SAMTOR: variants seen among roughly 807,000 people sequenced by gnomAD.
SAMTOR encodes the protein S-adenosylmethionine sensor upstream of mTORC1.
the SAMTOR span, among the ~76,000 whole-genome samples, chr7:112,911,918 A>G: frequency 6.6e-6 from 1 of 151,896 alleles, no homozygotes; most frequent in Admixed American, 6.6e-5. Context: ...CTACAAATTA[A>G]CTGACATTTG....
chr7:112,901,571 C>A, the SAMTOR span, among the ~76,000 whole-genome samples: 3 of 152,192 alleles, frequency 2.0e-5, no homozygotes, highest in South Asian at 6.2e-4. Flanking sequence ...GCACTTGAAT[C>A]ACCCCGAAAC....
chr7:112,859,497 T>C, the SAMTOR span, among the ~76,000 whole-genome samples: 1 of 152,210 alleles, frequency 6.6e-6, no homozygotes. Flanking sequence ...TACACTTTTG[T>C]TATATTAGTG....
the SAMTOR span, among the ~76,000 whole-genome samples, chr7:112,904,068 C>T: frequency 6.6e-6 from 1 of 152,018 alleles, no homozygotes; most frequent in South Asian, 2.1e-4. Flanking sequence ...ATCATAGCAG[C>T]CATCTTTACA....
the SAMTOR span, chr7:112,895,476 C>A: frequency 2.3e-6 from 2 of 851,892 alleles, no homozygotes; most frequent in Non-Finnish European, 3.4e-6. Flanking sequence ...ACTGGAGGAG[C>A]AAGTAAACTG....
At chr7:112,939,631 C>T in the SAMTOR span, 12 of 1,614,002 alleles carry the variant, frequency 7.4e-6, no homozygotes, top group Non-Finnish European at 1.0e-5. Flanking sequence ...GGACGCTCTT[C>T]ACCACACCGG....
At chr7:112,928,595 T>C in the SAMTOR span, among the ~76,000 whole-genome samples, 1 of 151,878 alleles carries the variant, frequency 6.6e-6, no homozygotes, top group Non-Finnish European at 1.5e-5. Context: ...TTCATCATGC[T>C]CAAAAAATAA....
the SAMTOR span, among the ~76,000 whole-genome samples, chr7:112,849,460 T>G: frequency 6.6e-6 from 1 of 152,092 alleles, no homozygotes; most frequent in Admixed American, 6.5e-5. Context: ...AATGAGGGGG[T>G]AGAAGTAGAT....
chr7:112,912,119 T>G, the SAMTOR span, among the ~76,000 whole-genome samples: 1 of 151,972 alleles, frequency 6.6e-6, no homozygotes, highest in Non-Finnish European at 1.5e-5. Flanking sequence ...ATTAGATTAC[T>G]GTTAACTGTC....
chr7:112,889,900 T>C, the SAMTOR span, among the ~76,000 whole-genome samples: 1 of 152,048 alleles, frequency 6.6e-6, no homozygotes, highest in Non-Finnish European at 1.5e-5. Flanking sequence ...GCTAACTTGA[T>C]TTGGAGCAAA....
the SAMTOR span, among the ~76,000 whole-genome samples, chr7:112,920,994 T>A: frequency 1.3e-5 from 2 of 152,166 alleles, no homozygotes; most frequent in Admixed American, 6.5e-5. Flanking sequence ...ATAGGAAGAA[T>A]CAATATGGTG....
At chr7:112,852,701 T>C in the SAMTOR span, among the ~76,000 whole-genome samples, 1 of 152,104 alleles carries the variant, frequency 6.6e-6, no homozygotes, top group East Asian at 1.9e-4. Context: ...CTTGCAGCGG[T>C]AAATTATTTA....
chr7:112,850,626 T>G, the SAMTOR span, among the ~76,000 whole-genome samples: 1 of 152,206 alleles, frequency 6.6e-6, no homozygotes, highest in Non-Finnish European at 1.5e-5. Context: ...TGGTTCAATG[T>G]TGCAGGGCGC....
chr7:112,871,091 C>A, the SAMTOR span, among the ~76,000 whole-genome samples: 1 of 152,100 alleles, frequency 6.6e-6, no homozygotes, highest in Admixed American at 6.5e-5. Context: ...TGGGGGACTT[C>A]ACCTCATTCA....
the SAMTOR span, among the ~76,000 whole-genome samples, chr7:112,894,057 G>C: frequency 6.6e-6 from 1 of 152,120 alleles, no homozygotes; most frequent in Non-Finnish European, 1.5e-5. Context: ...GATTTAGTCA[G>C]AGGAGTGCCT....
the SAMTOR span, among the ~76,000 whole-genome samples, chr7:112,933,800 G>A: frequency 6.6e-6 from 1 of 152,018 alleles, no homozygotes; most frequent in African/African-American, 2.4e-5. Flanking sequence ...TGCTTTCTGG[G>A]GACCTAAGAA....
the SAMTOR span, among the ~76,000 whole-genome samples, chr7:112,841,854 T>C: frequency 6.6e-6 from 1 of 151,954 alleles, no homozygotes; most frequent in African/African-American, 2.4e-5. Flanking sequence ...ATAAATGGTG[T>C]TGGGAAAACT....
chr7:112,868,112 C>T, the SAMTOR span, among the ~76,000 whole-genome samples: 24 of 152,280 alleles, frequency 1.6e-4, no homozygotes, highest in East Asian at 2.1e-3. Flanking sequence ...TTGTCTTCCA[C>T]GAAACTGGTC....
chr7:112,870,551 C>T, the SAMTOR span, among the ~76,000 whole-genome samples: 1 of 151,940 alleles, frequency 6.6e-6, no homozygotes, highest in Non-Finnish European at 1.5e-5. Context: ...GAGTTCTAAA[C>T]AAGGAAAAAG....
At chr7:112,922,414 C>T in the SAMTOR span, among the ~76,000 whole-genome samples, 1 of 152,096 alleles carries the variant, frequency 6.6e-6, no homozygotes, top group South Asian at 2.1e-4. Context: ...TGCCTGGCCG[C>T]CCATCGTCTG....
Sources: gnomAD v4.1 joint callset for allele counts (sites outside exome capture counted in the v4.1 genomes callset) on GRCh38, gnomAD v4.1.1 for gene constraint, MANE v1.5 for transcripts, NCBI Gene and HGNC (gene_info 2026-07-23, HGNC 2026-07-21) for gene names.